Variants in LAMP2 observed in about 807,000 individuals in gnomAD.
LAMP2 encodes the protein lysosome associated membrane protein 2, also known as lysosome-associated membrane glycoprotein 2.
In LAMP2, 4 loss-of-function variants were observed where a neutral mutation model predicts 25.6. The observed-to-expected ratio is 0.16, with a 90% confidence interval of 0.08 to 0.36. The LOEUF (loss-of-function observed/expected upper bound fraction) is 0.36. Among genes scored for constraint, LAMP2 ranks in the 10% least tolerant of loss-of-function variants. The pLI, the probability that LAMP2 is intolerant of heterozygous loss-of-function variation, is 1.00. For synonymous variants in LAMP2, 108 were observed against 112.7 expected (o/e 0.96, Z 0.27); for missense variants, 272 against 301.4 (o/e 0.90, Z 0.72).
At chrX:120,462,810 C>T (rs1206701109) in intron 1 of LAMP2, among the ~76,000 whole-genome samples, 1 of 112,171 alleles carries the variant, frequency 8.9e-6, no homozygotes, top group Non-Finnish European at 1.9e-5. Flanking sequence ...GGCAGTCCAA[C>T]TTCCTAGCTG....
chrX:120,459,063 C>T, intron 1 of LAMP2, among the ~76,000 whole-genome samples: 1 of 112,032 alleles, frequency 8.9e-6, no homozygotes, highest in African/African-American at 3.2e-5. Context: ...CCTATTCCTT[C>T]AACTTTTCTC....
chrX:120,443,297 G>A (rs1225404181), intron 6 of LAMP2, among the ~76,000 whole-genome samples: 3 of 112,009 alleles, frequency 2.7e-5, no homozygotes, highest in African/African-American at 9.7e-5. Context: ...ATTTTGAACC[G>A]GGCAGGATTC....
intron 1 of LAMP2, among the ~76,000 whole-genome samples, chrX:120,467,612 G>A (rs773488288): frequency 1.8e-5 from 2 of 112,022 alleles, no homozygotes; most frequent in South Asian, 3.7e-4. Context: ...GCAAGAGCAG[G>A]TGGGTAGCAA....
At position 120,429,272 on chromosome X, in the gene LAMP2, G is replaced by C; in HGVS notation, c.*2051C>G. The C allele has an allele frequency of 1.3e-6, 1 of 747,367 alleles. No individual in the cohort carries two copies. Among genetic ancestry groups the C allele is most frequent in the Non-Finnish European group, 1.6e-6 (1 of 637,931 alleles). The allele number at this position is 747,367 out of a possible 1,213,427, so 61.6% of individuals were successfully genotyped here. ...TCCATTCCACCGAACCACCAGGAAA[G>C]CAACATGTGCAATGTAGATTTTGAG... On this transcript the variant is annotated 3_prime_UTR_variant, in exon 9 of 9. Transcript: ENST00000200639.
intron 1 of LAMP2, among the ~76,000 whole-genome samples, chrX:120,465,302 A>C (rs1011583921): frequency 2.0e-5 from 2 of 101,407 alleles, no homozygotes; most frequent in Admixed American, 2.2e-4. Flanking sequence ...TAAAAAAAAA[A>C]AATTCTGAAC....
intron 1 of LAMP2, among the ~76,000 whole-genome samples, chrX:120,464,901 GC>G (rs1160685188): frequency 9.0e-6 from 1 of 110,876 alleles, no homozygotes; most frequent in Non-Finnish European, 1.9e-5. Flanking sequence ...ACAGGTGCTG[GC>G]CACCATGCCC....
rs756779550 is a variant in LAMP2 at position 120,429,224 on chromosome X, C to T, written c.*2099G>A. 1.0e-4 allele frequency: 75 copies of T among 746,209 alleles called. No homozygotes were observed. Among genetic ancestry groups the T allele is most frequent in the Non-Finnish European group, 1.2e-4 (74 of 638,277 alleles). 61.5% of individuals were successfully genotyped at this position (746,209 alleles called of 1,213,427 possible). A position where few individuals can be genotyped will look rare whatever the true frequency, so the allele number is the denominator to read the frequency against. On this transcript the variant is annotated 3_prime_UTR_variant, in exon 9 of 9. Coordinates refer to ENST00000200639, the MANE Select transcript of LAMP2 (RefSeq NM_002294.3). ...GCTGAGCGGTGGCCTGGAAGAATAA[C>T]AGCAGTATCTAATGCGTTGCAGTCC...
intron 6 of LAMP2, among the ~76,000 whole-genome samples, chrX:120,443,881 T>C (rs762664728): frequency 1.6e-4 from 18 of 110,789 alleles, no homozygotes; most frequent in African/African-American, 5.9e-4. Flanking sequence ...TTTGGGCAGC[T>C]GAGGCAGGAG....
chrX:120,440,906 G>A lies in LAMP2; in HGVS notation c.1093+824C>T, dbSNP rs2058568870. 4.5e-5 allele frequency among the ~76,000 whole-genome samples: 5 copies of A among 112,226 alleles called. No individual in the cohort carries two copies. In the South Asian group the frequency reaches 1.8e-3, roughly 41 times the overall value. Reference sequence around the variant, plus strand: ...CTAGGTATTCAACACCACTGCAAAAGTAGTCGAATGGCTCACAGTATATTC... The same window carrying A: ...CTAGGTATTCAACACCACTGCAAAAATAGTCGAATGGCTCACAGTATATTC... On this transcript the variant is annotated intron_variant, in intron 8 of 8. Transcript: ENST00000200639.
intron 6 of LAMP2, among the ~76,000 whole-genome samples, chrX:120,444,011 A>AGAAG (rs768928726): frequency 3.6e-4 from 39 of 109,384 alleles, no homozygotes; most frequent in Middle Eastern, 9.3e-3. Context: ...AAAAGAAGAA[A>AGAAG]GAAGGAAGGA....
intron 6 of LAMP2, 34 bp downstream of exon 6, chrX:120,446,271 G>T: frequency 3.4e-6 from 4 of 1,184,741 alleles, no homozygotes; most frequent in Non-Finnish European, 4.6e-6. Context: ...GTTTCTAAGA[G>T]AATGAACCTA....
chrX:120,464,089 T>G (rs971422787), intron 1 of LAMP2, among the ~76,000 whole-genome samples: 3 of 111,019 alleles, frequency 2.7e-5, no homozygotes, highest in African/African-American at 9.8e-5. Flanking sequence ...CCTAACTTTG[T>G]GAAAACCTAA....
chrX:120,436,467 T>A, intron 8 of LAMP2: 3 of 735,376 alleles, frequency 4.1e-6, no homozygotes, highest in Non-Finnish European at 4.8e-6. Flanking sequence ...ATCTTGACTT[T>A]AACCAACGGG....
In LAMP2 at chrX:120,447,942, G is replaced by T. The variant is rs776101722; in HGVS notation, c.640C>A (p.Pro214Thr). 9 of 1,210,114 alleles carry T rather than the reference G, an allele frequency of 7.4e-6. No homozygotes were observed. The Admixed American group carries it at 1.5e-4, about 20-fold the overall frequency. ...GTTCCAGCTTCTGGTTTTTCCTTTG[G>T]AGTAGGTGTTGTAGTAGGAGATGGC... is the stretch of plus-strand genomic sequence containing the variant. Reference protein sequence around the residue: ...TVPSPTTTPTPKEKPEAGTYS... With the variant: ...TVPSPTTTPTTKEKPEAGTYS... Residue 214 changes from proline to threonine, a missense_variant, in exon 5 of 9, where the codon CCA becomes ACA. Physicochemically the swap from Pro to Thr is conservative, Grantham distance 38. Coordinates refer to ENST00000200639, the MANE Select transcript of LAMP2 (RefSeq NM_002294.3).
At chrX:120,467,802 G>A (rs922668435) in intron 1 of LAMP2, among the ~76,000 whole-genome samples, 1 of 111,805 alleles carries the variant, frequency 8.9e-6, no homozygotes, top group Non-Finnish European at 1.9e-5. Context: ...CACTCTTGTC[G>A]CCCAGGCTGG....
At chrX:120,433,594 ATGACATAAC>A (rs1222660867) in intron 8 of LAMP2, among the ~76,000 whole-genome samples, 1 of 111,698 alleles carries the variant, frequency 9.0e-6, no homozygotes, top group Non-Finnish European at 1.9e-5. Flanking sequence ...ATGGGCCTTG[ATGACATAAC>A]TGTTTGCCTC....
rs377652722 is a variant in LAMP2 at position 120,455,414 on chromosome X, C to T, written c.340G>A (p.Val114Ile). 11 of 1,210,395 alleles carry T rather than the reference C, an allele frequency of 9.1e-6. No individual in the cohort carries two copies. The highest frequency in any genetic ancestry group is 7.0e-5 in the South Asian group (4 of 56,941). Residue 114 changes from valine to isoleucine, a missense_variant, in exon 3 of 9, where the codon GTC becomes ATC. Physicochemically the swap from Val to Ile is conservative, Grantham distance 29. Transcript: ENST00000200639. Reference sequence around the variant, plus strand: ...TCACCAGTGTTGTAGGAAAATGAGACGCTGTCAATTGAATAAGTAGATGCT... The same window carrying T: ...TCACCAGTGTTGTAGGAAAATGAGATGCTGTCAATTGAATAAGTAGATGCT... Reference protein sequence around the residue: ...KAASTYSIDSVSFSYNTGDNT... With the variant: ...KAASTYSIDSISFSYNTGDNT...
At position 120,436,556 on chromosome X, in the gene LAMP2, A is replaced by C. The variant is rs542527520; in HGVS notation, c.1094-5094T>G. On this transcript the variant is annotated intron_variant, in intron 8 of 8. Coordinates refer to ENST00000200639, the MANE Select transcript of LAMP2 (RefSeq NM_002294.3). Reference sequence around the variant, plus strand: ...AGCAATTTTGAGCAAACAGACAGGCAAATATCTAAAGATACCATACATCAA... The same window carrying C: ...AGCAATTTTGAGCAAACAGACAGGCCAATATCTAAAGATACCATACATCAA... 45 of 734,320 alleles carry C rather than the reference A, an allele frequency of 6.1e-5. No homozygotes were observed. The South Asian group carries it at 2.8e-3, about 46-fold the overall frequency. The allele number at this position is 734,320 out of a possible 1,213,427, so 60.5% of individuals were successfully genotyped here.
At chrX:120,463,519 G>A (rs1284588758) in intron 1 of LAMP2, among the ~76,000 whole-genome samples, 1 of 111,228 alleles carries the variant, frequency 9.0e-6, no homozygotes, top group African/African-American at 3.3e-5. Context: ...TGGGTCTGAG[G>A]GGATCTCTGA....
Sources: allele counts gnomAD v4.1 joint callset (sites outside exome capture counted in the v4.1 genomes callset), GRCh38; gene constraint gnomAD v4.1.1; transcripts MANE v1.5; gene names NCBI Gene and HGNC (gene_info 2026-07-23, HGNC 2026-07-21).